PTPRT: variants seen among roughly 807,000 people sequenced by gnomAD.
PTPRT encodes the protein protein tyrosine phosphatase receptor type T.
In PTPRT, 56 loss-of-function variants were observed where a neutral mutation model predicts 176.8. The observed-to-expected ratio is 0.32, with a 90% CI of 0.26 to 0.40. The LOEUF is 0.40. PTPRT is among the 10% of genes least tolerant of loss of function. The pLI, the probability that PTPRT is intolerant of heterozygous loss-of-function variation, is 1.00. For missense variants in PTPRT, 1,540 were observed against 1,908.2 expected (o/e 0.81, Z 3.60); for synonymous variants, 783 against 739.0 (o/e 1.06, Z -0.96).
At chr20:43,090,365 T>C in intron 1 of PTPRT, among the ~76,000 whole-genome samples, 1 of 152,008 alleles carries the variant, frequency 6.6e-6, no homozygotes, top group Non-Finnish European at 1.5e-5. Context: ...CCTCCCGGGT[T>C]CATGCCATTC....
At position 42,622,430 on chromosome 20, in the gene PTPRT, C is replaced by T. The variant is rs111611957; in HGVS notation, c.1153+55436G>A. Among the ~76,000 whole-genome samples the T allele has an allele frequency of 4.3e-3, 660 of 152,104 alleles. 6 individuals carry two copies. Among genetic ancestry groups the T allele is most frequent in the African/African-American group, 0.015 (618 of 41,502 alleles). On this transcript the variant is annotated intron_variant, in intron 7 of 30. Coordinates refer to ENST00000373187, the MANE Select transcript of PTPRT (RefSeq NM_007050.6). ...TAATTTTTTGTATTTTTAGTAGAGA[C>T]GGGGTTTCACCTTGTTAGCCAGGAT...
chr20:42,674,483 C>T (rs532389209), intron 7 of PTPRT, among the ~76,000 whole-genome samples: 2 of 152,180 alleles, frequency 1.3e-5, no homozygotes, highest in East Asian at 3.9e-4. Flanking sequence ...AATAAGTCCA[C>T]GGGGGCTGCT....
At chr20:42,742,945 C>G (rs553879534) in intron 6 of PTPRT, among the ~76,000 whole-genome samples, 3 of 152,192 alleles carry the variant, frequency 2.0e-5, no homozygotes, top group African/African-American at 7.2e-5. Flanking sequence ...CCTCCCCTTA[C>G]GAAGGGCCTT....
intron 2 of PTPRT, among the ~76,000 whole-genome samples, chr20:42,859,890 C>A (rs1268132965): frequency 2.0e-5 from 3 of 151,958 alleles, no homozygotes; most frequent in African/African-American, 7.3e-5. Flanking sequence ...CCGTGCCCAG[C>A]CAGTTTGATA....
At chr20:42,446,118 G>T (rs6102840) in intron 9 of PTPRT, among the ~76,000 whole-genome samples, 5 of 152,088 alleles carry the variant, frequency 3.3e-5, no homozygotes, top group African/African-American at 1.2e-4. Context: ...TTACTCTCAA[G>T]GAATAATATG....
intron 7 of PTPRT, among the ~76,000 whole-genome samples, chr20:42,629,488 CTACA>C (rs1474426939): frequency 6.6e-6 from 1 of 152,128 alleles, no homozygotes; most frequent in Admixed American, 6.5e-5. Context: ...ATGGAAATTT[CTACA>C]CAATGGGATC....
At chr20:43,052,648 A>C (rs946500093) in intron 1 of PTPRT, among the ~76,000 whole-genome samples, 2 of 152,244 alleles carry the variant, frequency 1.3e-5, no homozygotes, top group Non-Finnish European at 2.9e-5. Context: ...GATATAATTC[A>C]GATACCATAT....
At chr20:42,844,237 A>G (rs2078329243) in intron 2 of PTPRT, among the ~76,000 whole-genome samples, 1 of 152,256 alleles carries the variant, frequency 6.6e-6, no homozygotes, top group Non-Finnish European at 1.5e-5. Flanking sequence ...GGAAAGCACC[A>G]GTAATTAGAA....
intron 17 of PTPRT, among the ~76,000 whole-genome samples, chr20:42,158,273 G>C (rs138282885): frequency 2.0e-3 from 302 of 152,148 alleles, no homozygotes; most frequent in African/African-American, 7.0e-3. Context: ...GCTTCAGAAG[G>C]GCAAGAATCT....
At chr20:42,367,342 G>A (rs925655548) in intron 9 of PTPRT, among the ~76,000 whole-genome samples, 7 of 152,226 alleles carry the variant, frequency 4.6e-5, no homozygotes, top group Non-Finnish European at 8.8e-5. Context: ...CAACATCAGA[G>A]AGGGTGTTTG....
intron 12 of PTPRT, among the ~76,000 whole-genome samples, chr20:42,285,633 G>A (rs117428803): frequency 0.012 from 1,869 of 151,742 alleles, 13 homozygotes; most frequent in Non-Finnish European, 0.018. Context: ...CACAGGCATG[G>A]CAAAGAAAGC....
intron 1 of PTPRT, among the ~76,000 whole-genome samples, chr20:42,926,699 C>A (rs966164703): frequency 2.0e-5 from 3 of 152,138 alleles, no homozygotes; most frequent in Non-Finnish European, 4.4e-5. Flanking sequence ...GCCCAAGGAC[C>A]TGTTTCTGAA....
chr20:43,185,257 C>T (rs79943138), intron 1 of PTPRT, among the ~76,000 whole-genome samples: 1,653 of 152,296 alleles, frequency 0.011, 40 homozygotes, highest in African/African-American at 0.037. Flanking sequence ...ATTGGAATGC[C>T]ATGGCCCTTG....
At position 42,465,316 on chromosome 20, in the gene PTPRT, C is replaced by T. The variant is rs540290722; in HGVS notation, c.1450+6950G>A. ...GCAATCCCACTTTTAAGAATTTACCCTAAAGATACATTGCCACAAGTACCA... is the reference window on the plus strand; with the variant it reads ...GCAATCCCACTTTTAAGAATTTACCTTAAAGATACATTGCCACAAGTACCA... On this transcript the variant is annotated intron_variant, in intron 8 of 30. Coordinates refer to ENST00000373187, the MANE Select transcript of PTPRT (RefSeq NM_007050.6). Among the ~76,000 whole-genome samples the T allele has an allele frequency of 9.2e-5, 14 of 152,208 alleles. No homozygotes were observed. In the South Asian group the frequency reaches 2.1e-3, roughly 23 times the overall value.
intron 18 of PTPRT, among the ~76,000 whole-genome samples, chr20:42,138,985 C>T (rs974616686): frequency 1.3e-5 from 2 of 152,156 alleles, no homozygotes; most frequent in Non-Finnish European, 2.9e-5. Context: ...TTTCTTCTTG[C>T]GCCAAGAATA....
At chr20:42,068,979 C>T (rs542574869), downstream of PTPRT, among the ~76,000 whole-genome samples, 73 of 151,864 alleles carry the variant, frequency 4.8e-4, no homozygotes, top group African/African-American at 1.7e-3. Flanking sequence ...GATACTAATT[C>T]TCTTTCTGGC....
chr20:42,439,895 G>GT (rs1195416193), intron 9 of PTPRT, among the ~76,000 whole-genome samples: 1 of 152,012 alleles, frequency 6.6e-6, no homozygotes, highest in Non-Finnish European at 1.5e-5. Flanking sequence ...AGCTCTCAAG[G>GT]TAGGATTTTT....
At chr20:42,510,657 A>T (rs2071937880) in intron 7 of PTPRT, among the ~76,000 whole-genome samples, 1 of 152,086 alleles carries the variant, frequency 6.6e-6, no homozygotes, top group South Asian at 2.1e-4. Flanking sequence ...CGGTAGAACT[A>T]AGGGGTGGCA....
At chr20:42,532,067 G>A (rs542625318) in intron 7 of PTPRT, among the ~76,000 whole-genome samples, 79 of 152,268 alleles carry the variant, frequency 5.2e-4, no homozygotes, top group African/African-American at 1.9e-3. Flanking sequence ...CTATGGGGAC[G>A]AGAGGAGGCA....
Sources: gnomAD v4.1 joint callset for allele counts (sites outside exome capture counted in the v4.1 genomes callset) on GRCh38, gnomAD v4.1.1 for gene constraint, MANE v1.5 for transcripts, NCBI Gene and HGNC (gene_info 2026-07-23, HGNC 2026-07-21) for gene names.